SBF2: variants seen among roughly 807,000 people sequenced by gnomAD.
SBF2 encodes the protein SET binding factor 2, also known as myotubularin-related protein 13.
Under a neutral mutation model 225.2 loss-of-function variants are expected in SBF2, and 112 were observed. The observed-to-expected ratio is 0.50, with a 90% CI of 0.43 to 0.58. The LOEUF is 0.58. Ranked by LOEUF, SBF2 falls within the 20% of genes least tolerant of loss-of-function variation. SBF2 has a pLI of 0.00. For missense variants in SBF2, 1,996 were observed against 2,206.2 expected, an observed-to-expected ratio of 0.90 and a Z score of 1.91; for synonymous variants, 763 against 773.3, an observed-to-expected ratio of 0.99 and a Z score of 0.22.
chr11:9,985,710 G>A (rs1417450565), intron 13 of SBF2, among the ~76,000 whole-genome samples: 1 of 152,138 alleles, frequency 6.6e-6, no homozygotes, highest in Non-Finnish European at 1.5e-5. Context: ...ATGGTAAAAG[G>A]CCTTCTCCAG....
chr11:10,024,612 G>C (rs541988485), intron 6 of SBF2, among the ~76,000 whole-genome samples: 2 of 152,124 alleles, frequency 1.3e-5, no homozygotes, highest in African/African-American at 4.8e-5. Context: ...GTCAGCTCCT[G>C]CTTGTGCTTC....
chr11:10,239,193 G>A (rs1437964946), intron 1 of SBF2, among the ~76,000 whole-genome samples: 1 of 150,344 alleles, frequency 6.7e-6, no homozygotes, highest in Non-Finnish European at 1.5e-5. Context: ...TCCTTTTCAA[G>A]CTCATACAAA....
chr11:10,088,043 A>C (rs1422597913), intron 2 of SBF2, among the ~76,000 whole-genome samples: 3 of 149,686 alleles, frequency 2.0e-5, no homozygotes, highest in African/African-American at 7.4e-5. Flanking sequence ...TTTTTTTTCC[A>C]GACAAGGTCT....
At chr11:10,145,081 A>G (rs1162155425) in intron 2 of SBF2, among the ~76,000 whole-genome samples, 2 of 152,224 alleles carry the variant, frequency 1.3e-5, no homozygotes, top group Non-Finnish European at 2.9e-5. Context: ...ACGTAGCACA[A>G]AGAGGCGATG....
chr11:9,881,484 T>C (rs1241112447), intron 17 of SBF2, among the ~76,000 whole-genome samples: 1 of 152,092 alleles, frequency 6.6e-6, no homozygotes, highest in Non-Finnish European at 1.5e-5. Flanking sequence ...AGTTAAGCTA[T>C]AAAAATTTAG....
intron 2 of SBF2, among the ~76,000 whole-genome samples, chr11:10,136,951 C>A (rs769647446): frequency 1.3e-5 from 2 of 152,170 alleles, no homozygotes; most frequent in Non-Finnish European, 2.9e-5. Flanking sequence ...CTAGAAAAAT[C>A]TTTGGGGATT....
At chr11:10,051,061 C>CT (rs2134714062) in intron 2 of SBF2, among the ~76,000 whole-genome samples, 1 of 152,116 alleles carries the variant, frequency 6.6e-6, no homozygotes, top group African/African-American at 2.4e-5. Flanking sequence ...CACATATAGA[C>CT]AATATAAGAG....
rs1958696981 is a variant in SBF2 at position 10,228,873 on chromosome 11, AAT to A, written c.56-34888_56-34887del. On this transcript the variant is annotated intron_variant, in intron 1 of 39. Transcript: ENST00000256190. ...GATTCCCTCTTTTTCCATTGATTGG[AAT>A]AGTTTCAGAAGGAATGGTACCAGCT... 3.3e-5 allele frequency among the ~76,000 whole-genome samples: 5 copies of A among 152,144 alleles called. No homozygotes were observed. The South Asian group carries it at 6.2e-4, about 19-fold the overall frequency.
intron 1 of SBF2, among the ~76,000 whole-genome samples, chr11:10,278,145 T>C (rs558902941): frequency 1.3e-5 from 2 of 152,366 alleles, no homozygotes; most frequent in African/African-American, 4.8e-5. Flanking sequence ...TGTTTGAAAT[T>C]CATTTAAACT....
At chr11:10,228,313 T>A (rs966203706) in intron 1 of SBF2, among the ~76,000 whole-genome samples, 6 of 152,194 alleles carry the variant, frequency 3.9e-5, no homozygotes, top group African/African-American at 1.2e-4. Context: ...TGCCCTTTAT[T>A]TCCTTCTCCT....
chr11:9,932,654 C>T (rs775749692), intron 16 of SBF2, among the ~76,000 whole-genome samples: 57 of 152,038 alleles, frequency 3.7e-4, no homozygotes, highest in Non-Finnish European at 7.5e-4. Flanking sequence ...AAGGAACAAC[C>T]AGTACCAGCC....
intron 16 of SBF2, among the ~76,000 whole-genome samples, chr11:9,943,468 C>A (rs981953852): frequency 6.6e-6 from 1 of 151,964 alleles, no homozygotes; most frequent in Non-Finnish European, 1.5e-5. Context: ...GAAATACCAG[C>A]TGCATGTATA....
At chr11:10,253,623 C>T (rs1281312211) in intron 1 of SBF2, among the ~76,000 whole-genome samples, 1 of 152,078 alleles carries the variant, frequency 6.6e-6, no homozygotes, top group Non-Finnish European at 1.5e-5. Context: ...AAAAGGGGCA[C>T]TTTTTCTCAT....
intron 2 of SBF2, among the ~76,000 whole-genome samples, chr11:10,065,798 A>G (rs1029436633): frequency 6.6e-6 from 1 of 152,116 alleles, no homozygotes; most frequent in African/African-American, 2.4e-5. Context: ...AAATACAAAA[A>G]CTAGCCAGGT....
chr11:10,119,338 A>T (rs148312812), intron 2 of SBF2, among the ~76,000 whole-genome samples: 1 of 152,234 alleles, frequency 6.6e-6, no homozygotes, highest in African/African-American at 2.4e-5. Flanking sequence ...AGTAGAGACA[A>T]TTTTTCTGAA....
rs367832093 is a variant in SBF2 at position 9,996,967 on chromosome 11, C to T, written c.975+1299G>A. On this transcript the variant is annotated intron_variant, in intron 9 of 39. Coordinates refer to ENST00000256190, the MANE Select transcript of SBF2 (RefSeq NM_030962.4). ...AAGTGGCAGAACACAGACTGGAATTCAGGTATCCTGTATCCCACACTAGTG... is the reference window on the plus strand; with the variant it reads ...AAGTGGCAGAACACAGACTGGAATTTAGGTATCCTGTATCCCACACTAGTG... Among the ~76,000 whole-genome samples the T allele has an allele frequency of 4.6e-5, 7 of 152,158 alleles. 1 individual carries two copies. In the South Asian group the frequency reaches 1.5e-3, roughly 32 times the overall value.
intron 6 of SBF2, among the ~76,000 whole-genome samples, chr11:10,021,651 T>C (rs191668509): frequency 6.6e-6 from 1 of 152,200 alleles, no homozygotes; most frequent in Non-Finnish European, 1.5e-5. Context: ...GGAAATGCTA[T>C]CATTACATTT....
At chr11:10,243,811 C>G (rs549524336) in intron 1 of SBF2, among the ~76,000 whole-genome samples, 1 of 152,050 alleles carries the variant, frequency 6.6e-6, no homozygotes, top group South Asian at 2.1e-4. Flanking sequence ...TAATCAAAAA[C>G]CAAACAACAA....
At position 9,845,629 on chromosome 11, in the gene SBF2, CA is replaced by C; in HGVS notation, c.3045del (p.Phe1015LeufsTer10). The C allele has an allele frequency of 6.2e-7, 1 of 1,613,966 alleles. No individual in the cohort carries two copies. Among genetic ancestry groups the C allele is most frequent in the Non-Finnish European group, 8.5e-7 (1 of 1,179,842 alleles). On this transcript the variant is annotated frameshift_variant, in exon 24 of 40. Transcript: ENST00000256190. LOFTEE classifies it high-confidence loss of function. ...YPQSIFSTFA[F>X]AAGQTTPQII... is the part of the protein sequence containing the mutation. The stretch of plus-strand genomic sequence containing the variant: ...ATTTGTGGGGTAGTTTGTCCAGCAG[CA>C]AAAGCAAAGGTACTGAAAATGGACT...
Sources: gnomAD v4.1 joint callset for allele counts (sites outside exome capture counted in the v4.1 genomes callset) on GRCh38, gnomAD v4.1.1 for gene constraint, MANE v1.5 for transcripts, NCBI Gene and HGNC (gene_info 2026-07-23, HGNC 2026-07-21) for gene names.